LRP2: variants seen among roughly 807,000 people sequenced by gnomAD.
The protein encoded by LRP2 is LDL receptor related protein 2, also known as low-density lipoprotein receptor-related protein 2.
In LRP2, 172 loss-of-function variants were observed where a neutral mutation model predicts 531.0. That is an observed-to-expected ratio of 0.32 (90% CI 0.29 to 0.37). The LOEUF is 0.37. Among genes scored for constraint, LRP2 ranks in the 10% least tolerant of loss-of-function variants. The pLI, the probability that LRP2 is intolerant of heterozygous loss-of-function variation, is 1.00. For missense variants in LRP2, 5,167 were observed against 5,868.3 expected (o/e 0.88, Z 3.90); for synonymous variants, 1,992 against 2,027.6 (o/e 0.98, Z 0.47).
chr2:169,211,838 G>A (rs191661468), intron 37 of LRP2, 130 bp downstream of exon 37: 805 of 1,288,056 alleles, frequency 6.2e-4, no homozygotes, highest in Middle Eastern at 2.3e-3. Flanking sequence ...GGCTGTGCCA[G>A]TTGATTTAAA....
At position 169,356,808 on chromosome 2, in the gene LRP2, A is replaced by G. The variant is rs830946; in HGVS notation, c.79+5513T>C. Among the ~76,000 whole-genome samples the G allele has an allele frequency of 5.1e-3, 781 of 152,322 alleles. 4 individuals carry two copies. Among genetic ancestry groups the G allele is most frequent in the Non-Finnish European group, 8.3e-3 (568 of 68,024 alleles). On this transcript the variant is annotated intron_variant, in intron 1 of 78. Coordinates refer to ENST00000649046, the MANE Select transcript of LRP2 (RefSeq NM_004525.3). ...GAACTCGGATGCTGAAACATCTCCAATCTTTCTAATGCTGGTGAGATCCTG... is the reference window on the plus strand; with the variant it reads ...GAACTCGGATGCTGAAACATCTCCAGTCTTTCTAATGCTGGTGAGATCCTG...
chr2:169,211,655 G>A (rs969419926), intron 37 of LRP2, among the ~76,000 whole-genome samples: 3 of 152,082 alleles, frequency 2.0e-5, no homozygotes, highest in South Asian at 2.1e-4. Flanking sequence ...GGTTCTTAGC[G>A]TGATCCATGG....
chr2:169,290,264 CTTTTTTTTT>C (rs11463198), intron 8 of LRP2, among the ~76,000 whole-genome samples: 10 of 56,934 alleles, frequency 1.8e-4, no homozygotes, highest in African/African-American at 7.4e-4. Flanking sequence ...GAACCAGAAG[CTTTTTTTTT>C]TTTTTTTTTT....
chr2:169,185,611 G>A lies in LRP2; in HGVS notation c.9737C>T (p.Thr3246Ile), dbSNP rs1272596044. The change falls in exon 50 of 79, where the codon ACA becomes ATA. Residue 3246 changes from threonine to isoleucine, a missense_variant. This residue lies in a region of LRP2 where 1,129 missense variants were observed against 1,362.7 expected (regional missense o/e 0.83). Transcript: ENST00000649046. The part of the protein sequence containing the change: ...RVEKRLYWID[T>I]QRQVIERMFL... ...CATTCTCTCAATGACTTGCCTCTGTGTATCAATCCAATACAATCTCTTCTC... is the reference window on the plus strand; with the variant it reads ...CATTCTCTCAATGACTTGCCTCTGTATATCAATCCAATACAATCTCTTCTC... 4 of 1,613,960 alleles carry A rather than the reference G, an allele frequency of 2.5e-6. No individual in the cohort carries two copies. Among genetic ancestry groups the A allele is most frequent in the African/African-American group, 2.7e-5 (2 of 74,892 alleles).
chr2:169,225,810 CTT>C (rs1689181242), intron 32 of LRP2, among the ~76,000 whole-genome samples: 2 of 152,326 alleles, frequency 1.3e-5, no homozygotes, highest in South Asian at 4.1e-4. Flanking sequence ...TTTTTCTTCT[CTT>C]CCTCCTTTAT....
chr2:169,141,511 A>C (rs1026996230), intron 71 of LRP2, among the ~76,000 whole-genome samples: 1 of 152,234 alleles, frequency 6.6e-6, no homozygotes, highest in Non-Finnish European at 1.5e-5. Context: ...ATCTCACTGG[A>C]CTAATTGCTT....
Position 169,213,838 on chromosome 2 carries a change from T to C in LRP2, c.5859A>G (p.Arg1953=), listed in dbSNP as rs11886219. The C allele has an allele frequency of 0.07, 113,344 of 1,613,164 alleles. 9,284 individuals are homozygous for C. The highest frequency in any genetic ancestry group is 0.42 in the African/African-American group (31,798 of 74,856). ...IERGNVDGTD[R]MILVHQLSHP... ...GGGAAAGCTGGTGTACCAGGATCATTCGATCTGTTCCATCCACGTTTCCTC... is the reference window on the plus strand; with the variant it reads ...GGGAAAGCTGGTGTACCAGGATCATCCGATCTGTTCCATCCACGTTTCCTC... Residue 1953 remains arginine, a synonymous_variant, in exon 36 of 79, where the codon CGA becomes CGG. Coordinates refer to ENST00000649046, the MANE Select transcript of LRP2 (RefSeq NM_004525.3).
intron 2 of LRP2, among the ~76,000 whole-genome samples, chr2:169,319,400 T>C (rs879454366): frequency 6.6e-6 from 1 of 152,218 alleles, no homozygotes; most frequent in Non-Finnish European, 1.5e-5. Context: ...CTCATCTCAC[T>C]GTTTGTTGTG....
rs751016110 is a variant in LRP2, at chr2:169,196,969, A to T, written c.8640T>A (p.His2880Gln). 1 of 1,614,162 alleles carries T rather than the reference A, an allele frequency of 6.2e-7. No homozygotes were observed. The highest frequency in any genetic ancestry group is 2.2e-5 in the East Asian group (1 of 44,884). Residue 2880 changes from histidine to glutamine, a missense_variant, in exon 46 of 79, where the codon CAT (histidine) becomes CAA (glutamine). Coordinates refer to ENST00000649046, the MANE Select transcript of LRP2 (RefSeq NM_004525.3). ...QCASGRCIPQ[H>Q]WYCDQETDCF... ...AATCTGTTTCTTGATCACAATACCA[A>T]TGTTGAGGAATACAGCGCCCAGATG...
intron 32 of LRP2, among the ~76,000 whole-genome samples, chr2:169,226,184 AAAT>A (rs1689193978): frequency 6.6e-6 from 1 of 152,218 alleles, no homozygotes; most frequent in African/African-American, 2.4e-5. Context: ...CTGAATGAGT[AAAT>A]AATACACAAT....
At chr2:169,154,368 A>T in intron 66 of LRP2, 92 bp downstream of exon 66, 2 of 1,199,458 alleles carry the variant, frequency 1.7e-6, no homozygotes, top group Non-Finnish European at 2.5e-6. Flanking sequence ...AACAAAATTC[A>T]CTCATTAAAC....
Position 169,169,690 on chromosome 2 carries a change from C to A in LRP2, c.11497+12G>T. ...CAGGTAAGCAGTACTACATATGTGT[C>A]TAGGGACTTACGACAATCAGCTTCA... On this transcript the variant is annotated intron_variant, in intron 60 of 78. Coordinates refer to ENST00000649046, the MANE Select transcript of LRP2 (RefSeq NM_004525.3). 6.2e-7 allele frequency: 1 copy of A among 1,608,442 alleles called. No homozygotes were observed. The highest frequency in any genetic ancestry group is 1.1e-5 in the South Asian group (1 of 90,966).
In LRP2 at chr2:169,162,552, C is replaced by A. The variant is rs777186937; in HGVS notation, c.11807G>T (p.Gly3936Val). ...GTCATGTGGAATGCAATGCCCATTG[C>A]CACACTTATATTCATATTCTGTACA... ...KPCTEYEYKC[G>V]NGHCIPHDNV... The change falls in exon 63 of 79, where the codon GGC (glycine) becomes GTC (valine). Residue 3936 changes from glycine to valine, a missense_variant. Coordinates refer to ENST00000649046, the MANE Select transcript of LRP2 (RefSeq NM_004525.3). 1.1e-5 allele frequency: 17 copies of A among 1,614,036 alleles called. 1 individual carries two copies. The South Asian group carries it at 1.9e-4, about 18-fold the overall frequency.
At chr2:169,230,869 G>A (rs188225358) in intron 31 of LRP2, among the ~76,000 whole-genome samples, 1 of 152,262 alleles carries the variant, frequency 6.6e-6, no homozygotes, top group East Asian at 1.9e-4. Flanking sequence ...AAATTGCTCA[G>A]TCACTTGTAA....
chr2:169,191,121 A>G (rs771062585), intron 48 of LRP2, among the ~76,000 whole-genome samples: 2 of 152,230 alleles, frequency 1.3e-5, no homozygotes, highest in Non-Finnish European at 2.9e-5. Flanking sequence ...ATTTCAAATG[A>G]AAATCCAGAT....
At position 169,275,166 on chromosome 2, in the gene LRP2, G is replaced by A. The variant is rs778712989; in HGVS notation, c.1845C>T (p.Phe615=). The change falls in exon 14 of 79, where the codon TTC becomes TTT. Residue 615 remains phenylalanine, a synonymous_variant. Coordinates refer to ENST00000649046, the MANE Select transcript of LRP2 (RefSeq NM_004525.3). The part of the protein sequence containing the change: ...FGVSLFEGQV[F]FTDWTKMAVL... ...CGGCCATCTTTGTCCAATCTGTAAA[G>A]AACACCTGACCTTCAAATAAGCTTA... 1 of 1,613,798 alleles carries A rather than the reference G, an allele frequency of 6.2e-7. No homozygotes were observed. The highest frequency in any genetic ancestry group is 8.5e-7 in the Non-Finnish European group (1 of 1,179,852).
At chr2:169,160,941 C>T (rs1686562972) in intron 63 of LRP2, among the ~76,000 whole-genome samples, 1 of 152,206 alleles carries the variant, frequency 6.6e-6, no homozygotes, top group African/African-American at 2.4e-5. Flanking sequence ...CTTCGTAACT[C>T]ACGCAGGAGA....
intron 67 of LRP2, among the ~76,000 whole-genome samples, chr2:169,152,288 A>C (rs910812557): frequency 1.3e-5 from 2 of 152,146 alleles, no homozygotes; most frequent in Non-Finnish European, 2.9e-5. Flanking sequence ...TCAAATTTCC[A>C]ATCTGTTTTA....
chr2:169,255,151 G>T (rs1223072938), intron 19 of LRP2, among the ~76,000 whole-genome samples: 1 of 152,108 alleles, frequency 6.6e-6, no homozygotes, highest in Non-Finnish European at 1.5e-5. Context: ...GACACAACTA[G>T]CATATACACA....
Sources: allele counts gnomAD v4.1 joint callset (sites outside exome capture counted in the v4.1 genomes callset), GRCh38; gene constraint gnomAD v4.1.1; regional missense constraint gnomAD v4.1.1; transcripts MANE v1.5; gene names NCBI Gene and HGNC (gene_info 2026-07-23, HGNC 2026-07-21).